Variants in DOCK9 observed in about 807,000 individuals in gnomAD.
DOCK9 encodes dedicator of cytokinesis 9.
Under a neutral mutation model 263.3 loss-of-function variants are expected in DOCK9, and 89 were observed. The observed-to-expected ratio is 0.34, with a 90% CI of 0.28 to 0.40. The LOEUF is 0.40. Ranked by LOEUF, DOCK9 falls within the 10% of genes least tolerant of loss-of-function variation. The pLI is 1.00. For missense variants in DOCK9, 2,140 were observed against 2,603.4 expected (o/e 0.82, Z 3.87); for synonymous variants, 976 against 973.1 (o/e 1.00, Z -0.06).
chr13:98,881,005 T>C lies in DOCK9; in HGVS notation c.2746-333A>G, dbSNP rs369394292. On this transcript the variant is annotated intron_variant, in intron 25 of 52. Coordinates refer to ENST00000682017, the MANE Select transcript of DOCK9 (RefSeq NM_001366683.2). ...GAACTTTACTTTTTAAATTATCACA[T>C]AGTTGTAATTTACAAAGGTATTTAA... 1.5e-3 allele frequency among the ~76,000 whole-genome samples: 229 copies of C among 152,324 alleles called. 7 individuals carry two copies. The South Asian group carries it at 0.045, about 30-fold the overall frequency.
In DOCK9 at chr13:98,793,703, T is replaced by G. The variant is rs1413740546; in HGVS notation, c.*923A>C. 1 of 152,672 alleles carries G rather than the reference T, an allele frequency of 6.5e-6. No homozygotes were observed. The highest frequency in any genetic ancestry group is 1.5e-5 in the Non-Finnish European group (1 of 68,054). The allele number at this position is 152,672 out of a possible 1,614,324, so 9.5% of individuals were successfully genotyped here. On this transcript the variant is annotated 3_prime_UTR_variant, in exon 53 of 53. Coordinates refer to ENST00000682017, the MANE Select transcript of DOCK9 (RefSeq NM_001366683.2). ...TTTACCAATTACATACTCCACCATT[T>G]TGGCAAAAGGATGAAATTCTTAAAA...
chr13:99,069,083 A>G (rs1230979268), intron 1 of DOCK9, among the ~76,000 whole-genome samples: 1 of 152,238 alleles, frequency 6.6e-6, no homozygotes, highest in Non-Finnish European at 1.5e-5. Context: ...ATGTAAAATG[A>G]CCTAGATTAA....
intron 1 of DOCK9, among the ~76,000 whole-genome samples, chr13:98,958,823 T>G (rs749072998): frequency 5.3e-5 from 8 of 152,212 alleles, no homozygotes; most frequent in Non-Finnish European, 1.0e-4. Context: ...TTTAATGATT[T>G]TTTTGCATCT....
exon 1 of DOCK9, chr13:99,086,483 G>T: frequency 2.0e-6 from 1 of 506,532 alleles, no homozygotes; most frequent in Non-Finnish European, 2.5e-6. Context: ...TGCTCCCCCC[G>T]CTGCTCGCCG....
At chr13:98,810,339 C>G (rs2282134) in intron 45 of DOCK9, 48 bp from the exon 46 acceptor site, 2 of 1,601,568 alleles carry the variant, frequency 1.2e-6, no homozygotes, top group Non-Finnish European at 1.7e-6. Context: ...TTATGGGGAA[C>G]GTGACATGGC....
chr13:98,924,842 T>C (rs1343158961), intron 4 of DOCK9, among the ~76,000 whole-genome samples: 2 of 152,162 alleles, frequency 1.3e-5, no homozygotes, highest in Non-Finnish European at 2.9e-5. Flanking sequence ...ATGCTTCTTG[T>C]ACAACCTGCA....
chr13:98,980,905 A>G (rs568227679), upstream of DOCK9, among the ~76,000 whole-genome samples: 4 of 152,272 alleles, frequency 2.6e-5, no homozygotes, highest in African/African-American at 7.2e-5. Context: ...ATGGTTAGCA[A>G]TGACTATATT....
chr13:98,899,372 C>T (rs537301610), intron 13 of DOCK9, among the ~76,000 whole-genome samples: 1 of 152,330 alleles, frequency 6.6e-6, no homozygotes, highest in South Asian at 2.1e-4. Context: ...CTGAGCTCCA[C>T]TATCCACACC....
intron 1 of DOCK9, among the ~76,000 whole-genome samples, chr13:99,073,790 C>T (rs776097486): frequency 3.9e-5 from 6 of 152,178 alleles, no homozygotes; most frequent in Non-Finnish European, 7.3e-5. Context: ...AAACCCTGTT[C>T]GGGCAGATAT....
intron 1 of DOCK9, among the ~76,000 whole-genome samples, chr13:98,998,164 C>G (rs1881469012): frequency 2.6e-5 from 4 of 152,262 alleles, no homozygotes; most frequent in South Asian, 4.2e-4. Flanking sequence ...GACAGTGGAG[C>G]CTTGGGGCAA....
chr13:98,946,155 G>A (rs1460828173), intron 2 of DOCK9, among the ~76,000 whole-genome samples: 2 of 152,168 alleles, frequency 1.3e-5, no homozygotes, highest in African/African-American at 4.8e-5. Context: ...GGACCCTTGG[G>A]CCACTGTAAG....
At chr13:98,887,673 C>T (rs2183092) in intron 18 of DOCK9, among the ~76,000 whole-genome samples, 140,868 of 147,600 alleles carry the variant, frequency 0.95, 67,355 homozygotes, top group East Asian at 1. Context: ...CAAAAGACTA[C>T]TGAGAACCAA....
chr13:98,848,515 C>T, intron 37 of DOCK9, 77 bp downstream of exon 37: 1 of 1,504,730 alleles, frequency 6.6e-7, no homozygotes, highest in Non-Finnish European at 9.1e-7. Flanking sequence ...CCAACCGCCA[C>T]TGATGACCAA....
chr13:98,880,433 T>A (rs2044556130), intron 26 of DOCK9, 114 bp downstream of exon 26: 38 of 1,375,948 alleles, frequency 2.8e-5, no homozygotes, highest in Non-Finnish European at 3.8e-5. Flanking sequence ...CTACCCCTTT[T>A]TAGGGAGTGG....
intron 45 of DOCK9, among the ~76,000 whole-genome samples, chr13:98,816,632 C>T (rs751866848): frequency 4.6e-5 from 7 of 151,172 alleles, no homozygotes; most frequent in Non-Finnish European, 1.0e-4. Context: ...GAAAGAGCAG[C>T]ATCTGTCCGG....
At chr13:98,837,637 G>A in intron 38 of DOCK9, 28 bp from the exon 39 acceptor site, 3 of 1,540,558 alleles carry the variant, frequency 1.9e-6, no homozygotes, top group Non-Finnish European at 2.7e-6. Context: ...CAAGATTACT[G>A]CCCAGTGGTT....
intron 1 of DOCK9, among the ~76,000 whole-genome samples, chr13:98,987,997 A>C (rs1878877066): frequency 1.3e-5 from 2 of 152,172 alleles, no homozygotes; most frequent in South Asian, 4.1e-4. Context: ...TGTTAACAGT[A>C]GTGTGTCAGA....
At chr13:98,817,723 C>A (rs1455714942) in intron 45 of DOCK9, among the ~76,000 whole-genome samples, 13 of 144,658 alleles carry the variant, frequency 9.0e-5, no homozygotes, top group African/African-American at 3.1e-4. Context: ...AATGTATGTA[C>A]CACATGATAC....
intron 7 of DOCK9, among the ~76,000 whole-genome samples, chr13:98,917,182 A>G (rs1252287159): frequency 3.3e-5 from 5 of 152,202 alleles, no homozygotes; most frequent in Admixed American, 2.6e-4. Context: ...GGGCAGTTGT[A>G]CTTATAAACA....
Sources: gnomAD v4.1 joint callset for allele counts (sites outside exome capture counted in the v4.1 genomes callset) on GRCh38, gnomAD v4.1.1 for gene constraint, MANE v1.5 for transcripts, NCBI Gene and HGNC (gene_info 2026-07-23, HGNC 2026-07-21) for gene names.